Variants in ZNF425 observed in about 807,000 individuals in gnomAD.
ZNF425 encodes the protein zinc finger protein 425.
A neutral mutation model predicts 17.0 loss-of-function variants in ZNF425; 21 were observed. The ratio of observed to expected loss-of-function variants is 1.23; its 90% CI spans 0.88 to 1.78. ZNF425 has a LOEUF of 1.78. Among genes scored for constraint, ZNF425 ranks in the 40% most tolerant of loss-of-function variants. The pLI, the probability that ZNF425 is intolerant of heterozygous loss-of-function variation, is 0.00. For missense variants in ZNF425, 868 were observed against 967.3 expected, an observed-to-expected ratio of 0.90 and a Z score of 1.36; for synonymous variants, 433 against 384.1, an observed-to-expected ratio of 1.13 and a Z score of -1.49.
chr7:149,108,593 TACTCAAAA>T (rs2129517913), intron 3 of ZNF425, among the ~76,000 whole-genome samples: 1 of 152,298 alleles, frequency 6.6e-6, no homozygotes, highest in East Asian at 1.9e-4. Context: ...AACTCTTTGG[TACTCAAAA>T]ATCCTTCCAG....
At chr7:149,113,007 C>T (rs1479758951) in intron 2 of ZNF425, among the ~76,000 whole-genome samples, 9 of 133,184 alleles carry the variant, frequency 6.8e-5, no homozygotes, top group South Asian at 2.5e-4. Flanking sequence ...GACAGAGTAT[C>T]GCTCTGTCTC....
At chr7:149,123,986 T>TAA (rs1377008895) in intron 1 of ZNF425, among the ~76,000 whole-genome samples, 180 of 151,548 alleles carry the variant, frequency 1.2e-3, no homozygotes, top group Non-Finnish European at 2.0e-3. Flanking sequence ...TAGCTGGGAC[T>TAA]ACAGGCGCCC....
At chr7:149,107,144 GGGCC>G (rs1826093510) in intron 3 of ZNF425, among the ~76,000 whole-genome samples, 1 of 151,254 alleles carries the variant, frequency 6.6e-6, no homozygotes, top group Admixed American at 6.6e-5. Flanking sequence ...GGACAGCTTA[GGGCC>G]ATATTCTTGT....
chr7:149,114,546 C>T (rs1457391816), intron 2 of ZNF425, among the ~76,000 whole-genome samples: 6 of 151,236 alleles, frequency 4.0e-5, no homozygotes, highest in African/African-American at 1.2e-4. Context: ...TGCAGGTGTG[C>T]GCCACCATGC....
Position 149,103,987 on chromosome 7 carries a change from G to C in ZNF425, c.1884C>G (p.His628Gln). Residue 628 changes from histidine to glutamine, a missense_variant, in exon 4 of 4, where the codon CAC becomes CAG. By Grantham distance (24) the His-to-Gln change is conservative. This residue lies in a region of ZNF425 where 437 missense variants were observed against 444.2 expected (regional missense o/e 0.98). Coordinates refer to ENST00000378061, the MANE Select transcript of ZNF425 (RefSeq NM_001001661.3). The part of the protein sequence containing the change: ...TFRLKGNLKS[H>Q]LLQHSGQKPF... ...GCTTTTGGCCACTGTGCTGCAGCAG[G>C]TGGCTTTTCAGGTTTCCCTTGAGGC... The C allele has an allele frequency of 6.2e-7, 1 of 1,613,964 alleles. No homozygotes were observed. Among genetic ancestry groups the C allele is most frequent in the East Asian group, 2.2e-5 (1 of 44,874 alleles).
At position 149,104,365 on chromosome 7, in the gene ZNF425, C is replaced by T. The variant is rs765920420; in HGVS notation, c.1506G>A (p.Glu502=). 1.2e-5 allele frequency: 20 copies of T among 1,611,660 alleles called. No individual in the cohort carries two copies. Among genetic ancestry groups the T allele is most frequent in the East Asian group, 2.2e-5 (1 of 44,860 alleles). Residue 502 remains glutamate (E), a synonymous_variant, in exon 4 of 4, where the codon GAG becomes GAA. Transcript: ENST00000378061. The surrounding 1 kb of genome is among the most constrained non-coding windows in gnomAD (Gnocchi z 4.3). ...HDRQKEFPCG[E]CKKTFSQQSR... is the part of the protein sequence containing the mutation. Reference sequence around the variant, plus strand: ...ACTGCTGAGAAAAGGTCTTTTTGCACTCGCCGCAGGGAAACTCCTTCTGCC... The same window carrying T: ...ACTGCTGAGAAAAGGTCTTTTTGCATTCGCCGCAGGGAAACTCCTTCTGCC...
At chr7:149,118,697 C>T (rs938893870) in intron 1 of ZNF425, 1 of 379,536 alleles carries the variant, frequency 2.6e-6, no homozygotes, top group South Asian at 2.0e-5. Flanking sequence ...TTCCTGTAGT[C>T]CCAGTTACTC....
chr7:149,126,096 C>G (rs1340542625), intron 1 of ZNF425, 100 bp downstream of exon 1: 1 of 1,586,790 alleles, frequency 6.3e-7, no homozygotes. Context: ...CCCCCAGGCC[C>G]AGGCCCCGGC....
intron 3 of ZNF425, among the ~76,000 whole-genome samples, chr7:149,107,991 C>A (rs969764036): frequency 6.6e-6 from 1 of 151,910 alleles, no homozygotes; most frequent in Non-Finnish European, 1.5e-5. Flanking sequence ...TTAGCCCCTA[C>A]CTCCAAGTAG....
Position 149,103,511 on chromosome 7 carries a change from C to A in ZNF425, c.*101G>T. Reference sequence around the variant, plus strand: ...GGGATTACAGGCGGGAGCCACTGTGCCCGATCTTACCCTGTGAATCCTTCA... The same window carrying A: ...GGGATTACAGGCGGGAGCCACTGTGACCGATCTTACCCTGTGAATCCTTCA... On this transcript the variant is annotated 3_prime_UTR_variant, in exon 4 of 4. Coordinates refer to ENST00000378061, the MANE Select transcript of ZNF425 (RefSeq NM_001001661.3). 7.0e-7 allele frequency: 1 copy of A among 1,419,098 alleles called. No homozygotes were observed. The allele number at this position is 1,419,098 out of a possible 1,614,324, so 87.9% of individuals were successfully genotyped here. A position where few individuals can be genotyped will look rare whatever the true frequency, so the allele number is the denominator to read the frequency against.
At chr7:149,106,809 G>A (rs1226176783) in intron 3 of ZNF425, among the ~76,000 whole-genome samples, 2 of 151,954 alleles carry the variant, frequency 1.3e-5, no homozygotes, top group East Asian at 1.9e-4. Context: ...GAAATAAATG[G>A]CAAATATTTA....
chr7:149,112,034 C>CT (rs1349178325), intron 3 of ZNF425, 103 bp downstream of exon 3: 9 of 1,279,870 alleles, frequency 7.0e-6, no homozygotes, highest in Non-Finnish European at 8.7e-6. Context: ...ATCAAAACAA[C>CT]TTTTTTTATT....
chr7:149,123,857 T>C (rs1358418740), intron 1 of ZNF425, among the ~76,000 whole-genome samples: 82 of 149,198 alleles, frequency 5.5e-4, no homozygotes, highest in African/African-American at 1.9e-3. Flanking sequence ...TTTTTTTTTT[T>C]TCCTTTTTGA....
chr7:149,126,226 C>A lies in ZNF425; in HGVS notation c.-13G>T, dbSNP rs567398290. 12 of 1,610,522 alleles carry A rather than the reference C, an allele frequency of 7.5e-6. No homozygotes were observed. In the East Asian group the frequency reaches 2.7e-4, roughly 36 times the overall value. On this transcript the variant is annotated 5_prime_UTR_variant, in exon 1 of 4. Coordinates refer to ENST00000378061, the MANE Select transcript of ZNF425 (RefSeq NM_001001661.3). ...CCGGCTCGGCCATGGCGGTTCCGCA[C>A]GAACCGGCCCTGCCTGGCACGGCCT...
At chr7:149,125,565 C>A (rs1392310232) in intron 1 of ZNF425, 1 of 154,564 alleles carries the variant, frequency 6.5e-6, no homozygotes, top group South Asian at 1.9e-4. Context: ...CAGAGAGACC[C>A]CGAGGTTCAG....
At chr7:149,107,124 T>A (rs1378854099) in intron 3 of ZNF425, among the ~76,000 whole-genome samples, 35 of 147,744 alleles carry the variant, frequency 2.4e-4, no homozygotes, top group South Asian at 1.3e-3. Flanking sequence ...AAAAAAAAAA[T>A]TTTTAAGGAG....
In ZNF425 at chr7:149,103,862, T is replaced by G; in HGVS notation, c.2009A>C (p.Glu670Ala). The part of the protein sequence containing the change: ...HSGEKPFQCP[E>A]CDKSYCIRGS... ...CCTGATGCAGTAGCTCTTGTCACAC[T>G]CCGGACACTGGAAGGGCTTCTCCCC... The change falls in exon 4 of 4, where the codon GAG becomes GCG. Residue 670 changes from glutamate (E) to alanine (A), a missense_variant. Transcript: ENST00000378061. 6.2e-7 allele frequency: 1 copy of G among 1,614,020 alleles called. No homozygotes were observed. The highest frequency in any genetic ancestry group is 1.3e-5 in the African/African-American group (1 of 74,980).
In ZNF425 at chr7:149,103,572, C is replaced by T. The variant is rs1476452806; in HGVS notation, c.*40G>A. 1.9e-6 allele frequency: 3 copies of T among 1,539,012 alleles called. No individual in the cohort carries two copies. The highest frequency in any genetic ancestry group is 1.7e-6 in the Non-Finnish European group (2 of 1,147,984). On this transcript the variant is annotated 3_prime_UTR_variant, in exon 4 of 4. Transcript: ENST00000378061. ...ACTTGAGCCAACAGAGCTGCTGGCA[C>T]CTCCTGAAAGCCGACTGCGTGACTG...
At chr7:149,108,972 A>C (rs1036056454) in intron 3 of ZNF425, among the ~76,000 whole-genome samples, 2 of 152,012 alleles carry the variant, frequency 1.3e-5, no homozygotes, top group African/African-American at 4.8e-5. Context: ...TCCTGGCCTC[A>C]CGTCGTCTAA....
Sources: gnomAD v4.1 joint callset for allele counts (sites outside exome capture counted in the v4.1 genomes callset) on GRCh38, gnomAD v4.1.1 for gene constraint, gnomAD v4.1.1 regional missense constraint, Gnocchi (gnomAD v3.1) non-coding constraint, MANE v1.5 for transcripts, NCBI Gene and HGNC (gene_info 2026-07-23, HGNC 2026-07-21) for gene names.